The following ESR2 variants were observed in gnomAD, a reference collection of about 807,000 sequenced individuals.
ESR2 encodes estrogen receptor beta.
A neutral mutation model predicts 49.6 loss-of-function variants in ESR2; 36 were observed. That is an observed-to-expected ratio of 0.73 (90% CI 0.56 to 0.96). The LOEUF (loss-of-function observed/expected upper bound fraction) is 0.96. ESR2 is among the 40% of genes least tolerant of loss of function. The pLI is 0.00. For synonymous variants in ESR2, 320 were observed against 266.1 expected (o/e 1.20, Z -1.97); for missense variants, 714 against 693.0 (o/e 1.03, Z -0.34).
chr14:64,321,373 T>G (rs2077322808), intron 1 of ESR2, among the ~76,000 whole-genome samples: 1 of 152,128 alleles, frequency 6.6e-6, no homozygotes, highest in South Asian at 2.1e-4. Flanking sequence ...GTGGTGGCAT[T>G]TGCACAACTT....
In ESR2 at chr14:64,268,930, G is replaced by GAAAAAAAA; in HGVS notation, c.536-20_536-19insTTTTTTTT. The GAAAAAAAA allele has an allele frequency of 7.4e-7, 1 of 1,350,662 alleles. No individual in the cohort carries two copies. Among genetic ancestry groups the GAAAAAAAA allele is most frequent in the Admixed American group, 1.8e-5 (1 of 55,692 alleles). 83.7% of individuals were successfully genotyped at this position (1,350,662 alleles called of 1,614,324 possible). On this transcript the variant is annotated intron_variant, in intron 3 of 8. Coordinates refer to ENST00000341099, the MANE Select transcript of ESR2 (RefSeq NM_001437.3). The stretch of plus-strand genomic sequence containing the variant: ...TTATGTCCTATAGCAGAGTGGGAGG[G>GAAAAAAAA]AAAAAAAGATTATTGCTATGATCTC...
At chr14:64,322,419 T>C (rs762054052) in intron 1 of ESR2, among the ~76,000 whole-genome samples, 3 of 151,240 alleles carry the variant, frequency 2.0e-5, no homozygotes, top group Non-Finnish European at 4.4e-5. Context: ...CTCACACCTG[T>C]AATTTCAGCC....
At chr14:64,238,679 A>C (rs545238960) in intron 7 of ESR2, among the ~76,000 whole-genome samples, 1 of 152,304 alleles carries the variant, frequency 6.6e-6, no homozygotes, top group East Asian at 1.9e-4. Flanking sequence ...TCCATCCCCC[A>C]AAAGTAAAAA....
At chr14:64,256,005 T>A (rs2076088861) in intron 6 of ESR2, among the ~76,000 whole-genome samples, 1 of 152,244 alleles carries the variant, frequency 6.6e-6, no homozygotes, top group Non-Finnish European at 1.5e-5. Flanking sequence ...TTCATCTGTG[T>A]AACACAGGGT....
chr14:64,322,348 T>C (rs935995072), intron 1 of ESR2, among the ~76,000 whole-genome samples: 1 of 152,138 alleles, frequency 6.6e-6, no homozygotes, highest in Non-Finnish European at 1.5e-5. Context: ...CATGTGCCAC[T>C]GCACCTGGCC....
At position 64,246,669 on chromosome 14, in the gene ESR2, T is replaced by C. The variant is rs141290662; in HGVS notation, c.1225+2877A>G. On this transcript the variant is annotated intron_variant, in intron 7 of 8. Coordinates refer to ENST00000341099, the MANE Select transcript of ESR2 (RefSeq NM_001437.3). ...ATCACTTGAACCTGGGAGGCGGAGG[T>C]TTCAGTGAGCCAAGATTCCACCACT... Among the ~76,000 whole-genome samples the C allele has an allele frequency of 6.3e-3, 816 of 130,384 alleles. 10 individuals carry two copies. Among genetic ancestry groups the C allele is most frequent in the African/African-American group, 0.023 (779 of 34,042 alleles). 85.5% of individuals were successfully genotyped at this position (130,384 alleles called of 152,430 possible).
chr14:64,248,505 C>CAAAAAAAAAA (rs56108535), intron 7 of ESR2, among the ~76,000 whole-genome samples: 3 of 87,264 alleles, frequency 3.4e-5, no homozygotes, highest in African/African-American at 8.8e-5. Flanking sequence ...GATCCTGTCT[C>CAAAAAAAAAA]AAAAAAAAAA....
intron 7 of ESR2, among the ~76,000 whole-genome samples, chr14:64,241,190 T>C (rs1218565433): frequency 6.6e-6 from 1 of 150,522 alleles, no homozygotes; most frequent in East Asian, 2.0e-4. Context: ...GGCTAAGCTA[T>C]GATGTTCAGT....
At chr14:64,302,752 C>G (rs1259210959) in intron 1 of ESR2, among the ~76,000 whole-genome samples, 1 of 152,198 alleles carries the variant, frequency 6.6e-6, no homozygotes, top group Non-Finnish European at 1.5e-5. Flanking sequence ...CAGCAGCATG[C>G]AAGAGCCTGC....
At chr14:64,322,451 G>C (rs933578741) in intron 1 of ESR2, among the ~76,000 whole-genome samples, 2 of 150,494 alleles carry the variant, frequency 1.3e-5, no homozygotes, top group African/African-American at 4.9e-5. Flanking sequence ...TGAGAAAGGA[G>C]GATAGCTTGA....
At chr14:64,227,303 G>C (rs1567719680), downstream of ESR2, 1 of 568,424 alleles carries the variant, frequency 1.8e-6, no homozygotes, top group Non-Finnish European at 3.1e-6. Context: ...GCCCTGGGCA[G>C]TTAAGGAGAC....
At chr14:64,320,029 G>A (rs992132859) in intron 1 of ESR2, among the ~76,000 whole-genome samples, 2 of 151,980 alleles carry the variant, frequency 1.3e-5, no homozygotes, top group African/African-American at 4.8e-5. Context: ...TGGAAGCAAC[G>A]AAGATTTACC....
chr14:64,249,467 C>A, intron 7 of ESR2, 79 bp downstream of exon 7: 1 of 1,474,310 alleles, frequency 6.8e-7, no homozygotes, highest in South Asian at 1.3e-5. Flanking sequence ...AGAAGTTCAA[C>A]ATTCTTCTTA....
At chr14:64,331,010 T>C (rs953295264) in intron 1 of ESR2, 1 of 151,398 alleles carries the variant, frequency 6.6e-6, no homozygotes, top group African/African-American at 2.4e-5. Context: ...ACACAGTAAG[T>C]AGCAGTATGG....
At position 64,233,254 on chromosome 14, in the gene ESR2, C is replaced by T. The variant is rs770601599; in HGVS notation, c.1476G>A (p.Leu492=). 5.6e-6 allele frequency: 9 copies of T among 1,614,080 alleles called. No individual in the cohort carries two copies. The Admixed American group carries it at 1.3e-4, about 24-fold the overall frequency. ...KNVVPVYDLL[L]EMLNAHVLRG... ...GAAGCACGTGGGCATTCAGCATCTC[C>T]AGCAGCAGGTCATACACTGGGACCA... Residue 492 remains leucine (L), a synonymous_variant, in exon 9 of 9, where the codon CTG becomes CTA. Coordinates refer to ENST00000341099, the MANE Select transcript of ESR2 (RefSeq NM_001437.3).
chr14:64,260,767 T>G lies in ESR2; in HGVS notation c.653-19A>C. Reference sequence around the variant, plus strand: ...CGGGAGCCTGAAGAGGAAAGCAGAGTCATTCGAATTGCCAGGGTAAAACCG... The same window carrying G: ...CGGGAGCCTGAAGAGGAAAGCAGAGGCATTCGAATTGCCAGGGTAAAACCG... On this transcript the variant is annotated intron_variant, in intron 4 of 8. Transcript: ENST00000341099. 6.9e-7 allele frequency: 1 copy of G among 1,439,858 alleles called. No individual in the cohort carries two copies. The highest frequency in any genetic ancestry group is 1.5e-5 in the African/African-American group (1 of 68,228). The allele number at this position is 1,439,858 out of a possible 1,614,324, so 89.2% of individuals were successfully genotyped here. A position where few individuals can be genotyped will look rare whatever the true frequency, so the allele number is the denominator to read the frequency against.
At chr14:64,273,266 ATAAT>A (rs1232344250) in intron 3 of ESR2, among the ~76,000 whole-genome samples, 1 of 152,138 alleles carries the variant, frequency 6.6e-6, no homozygotes, top group Non-Finnish European at 1.5e-5. Flanking sequence ...GCAAACTAGG[ATAAT>A]TAGACTTCTT....
At chr14:64,317,412 T>C (rs2077269146) in intron 1 of ESR2, among the ~76,000 whole-genome samples, 1 of 152,172 alleles carries the variant, frequency 6.6e-6, no homozygotes, top group East Asian at 1.9e-4. Flanking sequence ...CTCACAATCA[T>C]GGCAGAAGGT....
intron 1 of ESR2, among the ~76,000 whole-genome samples, chr14:64,309,607 C>CAAAAAAAAAAAAAAAAAAAAAAAAA (rs545143689): frequency 7.9e-6 from 1 of 125,902 alleles, no homozygotes; most frequent in African/African-American, 3.5e-5. Flanking sequence ...AACTCCATCT[C>CAAAAAAAAAAAAAAAAAAAAAAAAA]AAAAAAAAAA....
Sources: gnomAD v4.1 joint callset for allele counts (sites outside exome capture counted in the v4.1 genomes callset) on GRCh38, gnomAD v4.1.1 for gene constraint, MANE v1.5 for transcripts, NCBI Gene and HGNC (gene_info 2026-07-23, HGNC 2026-07-21) for gene names.